Variants in ATRNL1 observed in about 807,000 individuals in gnomAD.
ATRNL1 encodes the protein attractin like 1.
ATRNL1 carries 95 observed loss-of-function variants against 182.7 expected under a neutral mutation model. The observed-to-expected ratio is 0.52, with a 90% confidence interval of 0.44 to 0.62. The LOEUF is 0.62. Ranked by LOEUF, ATRNL1 falls within the 20% of genes least tolerant of loss-of-function variation. The pLI, the probability that ATRNL1 is intolerant of heterozygous loss-of-function variation, is 0.00. For synonymous variants in ATRNL1, 576 were observed against 568.3 expected (o/e 1.01, Z -0.19); for missense variants, 1,471 against 1,679.5 (o/e 0.88, Z 2.17).
chr10:115,505,900 T>C (rs1008109240), intron 24 of ATRNL1, among the ~76,000 whole-genome samples: 5 of 150,652 alleles, frequency 3.3e-5, no homozygotes, highest in Non-Finnish European at 5.9e-5. Flanking sequence ...AAGTACCAAG[T>C]ATCAAACCAG....
intron 27 of ATRNL1, among the ~76,000 whole-genome samples, chr10:115,801,924 A>G (rs531001772): frequency 1.3e-5 from 2 of 151,944 alleles, no homozygotes; most frequent in African/African-American, 2.4e-5. Context: ...TTAAATTATT[A>G]TGTAGTGTCT....
chr10:115,244,922 A>G (rs1278395017), intron 10 of ATRNL1, among the ~76,000 whole-genome samples: 1 of 152,220 alleles, frequency 6.6e-6, no homozygotes, highest in Non-Finnish European at 1.5e-5. Context: ...AAGAATGGGT[A>G]GGGAATAGGA....
chr10:115,772,919 G>A (rs11197441), intron 27 of ATRNL1, among the ~76,000 whole-genome samples: 19,944 of 152,038 alleles, frequency 0.13, 1,626 homozygotes, highest in East Asian at 0.25. Flanking sequence ...GAGCATGGAG[G>A]GAAATTGTCT....
At chr10:115,663,399 G>T (rs1860811187) in intron 26 of ATRNL1, among the ~76,000 whole-genome samples, 1 of 151,768 alleles carries the variant, frequency 6.6e-6, no homozygotes, top group Admixed American at 6.6e-5. Context: ...AATATAATAG[G>T]CTATATTTGT....
chr10:115,204,137 A>T (rs527663991), intron 8 of ATRNL1, among the ~76,000 whole-genome samples: 1 of 152,084 alleles, frequency 6.6e-6, no homozygotes, highest in Admixed American at 6.6e-5. Flanking sequence ...TGATTTTTGT[A>T]CGTTTATTCA....
At chr10:115,623,358 G>A (rs1484432033) in intron 26 of ATRNL1, among the ~76,000 whole-genome samples, 2 of 152,090 alleles carry the variant, frequency 1.3e-5, no homozygotes, top group Non-Finnish European at 2.9e-5. Flanking sequence ...TGCCAGGAAT[G>A]AACAAATTTT....
intron 26 of ATRNL1, among the ~76,000 whole-genome samples, chr10:115,685,498 T>C (rs1565284307): frequency 6.6e-6 from 1 of 151,960 alleles, no homozygotes; most frequent in East Asian, 1.9e-4. Context: ...AAAGCTACTG[T>C]CATCATCACT....
At chr10:115,561,626 G>A (rs186618868) in intron 26 of ATRNL1, among the ~76,000 whole-genome samples, 19 of 150,990 alleles carry the variant, frequency 1.3e-4, no homozygotes, top group South Asian at 2.1e-4. Context: ...GTATCCTTGC[G>A]GGGATCCTGG....
chr10:115,594,002 A>G (rs1379590220), intron 26 of ATRNL1, among the ~76,000 whole-genome samples: 3 of 152,046 alleles, frequency 2.0e-5, no homozygotes, highest in African/African-American at 4.8e-5. Context: ...TCTAAAACAT[A>G]TTATTAGGTC....
intron 22 of ATRNL1, among the ~76,000 whole-genome samples, chr10:115,466,067 T>C (rs1387631640): frequency 6.6e-6 from 1 of 151,446 alleles, no homozygotes; most frequent in Non-Finnish European, 1.5e-5. Context: ...GCCTTTGCTT[T>C]TTATGATGTT....
chr10:115,598,231 G>A (rs1403228854), intron 26 of ATRNL1, among the ~76,000 whole-genome samples: 1 of 150,272 alleles, frequency 6.7e-6, no homozygotes, highest in African/African-American at 2.4e-5. Flanking sequence ...TGTTTGGTGT[G>A]AGCATATAAC....
chr10:115,781,348 A>G (rs1254537929), intron 27 of ATRNL1, among the ~76,000 whole-genome samples: 6 of 152,214 alleles, frequency 3.9e-5, no homozygotes, highest in African/African-American at 1.4e-4. Context: ...ATTCTCCTAG[A>G]TATAAGCCTA....
chr10:115,864,907 A>G (rs1243236849), intron 28 of ATRNL1, among the ~76,000 whole-genome samples: 14 of 151,912 alleles, frequency 9.2e-5, no homozygotes, highest in South Asian at 4.2e-4. Context: ...GCGTGAACCC[A>G]GGAGGCGGAG....
chr10:115,324,109 A>C (rs1554932445), intron 18 of ATRNL1, among the ~76,000 whole-genome samples: 1 of 151,866 alleles, frequency 6.6e-6, no homozygotes, highest in Non-Finnish European at 1.5e-5. Context: ...TCTTTGTTTA[A>C]ATCAACTCTC....
At chr10:115,797,874 A>G (rs782660668) in intron 27 of ATRNL1, among the ~76,000 whole-genome samples, 4 of 152,288 alleles carry the variant, frequency 2.6e-5, no homozygotes, top group Non-Finnish European at 2.9e-5. Context: ...TTCTCAGTCA[A>G]TGTTGCAAAT....
chr10:115,592,246 G>A (rs917939719), intron 26 of ATRNL1, among the ~76,000 whole-genome samples: 1 of 152,122 alleles, frequency 6.6e-6, no homozygotes, highest in Non-Finnish European at 1.5e-5. Context: ...GATGGGATCA[G>A]TATACCCCAA....
At chr10:115,923,390 C>G (rs1953126238) in intron 28 of ATRNL1, among the ~76,000 whole-genome samples, 1 of 152,058 alleles carries the variant, frequency 6.6e-6, no homozygotes, top group African/African-American at 2.4e-5. Flanking sequence ...TGACCCATCT[C>G]TAAGTTCCCT....
chr10:115,468,864 G>T (rs1234979642), intron 23 of ATRNL1, among the ~76,000 whole-genome samples: 1 of 150,590 alleles, frequency 6.6e-6, no homozygotes, highest in Non-Finnish European at 1.5e-5. Flanking sequence ...CTGAGGCTTA[G>T]GTTGAAATCT....
intron 26 of ATRNL1, among the ~76,000 whole-genome samples, chr10:115,665,299 A>G (rs1391381222): frequency 6.6e-6 from 1 of 152,084 alleles, no homozygotes; most frequent in African/African-American, 2.4e-5. Flanking sequence ...ACTAATACAA[A>G]CTCCTCACTT....
Sources: gnomAD v4.1 joint callset for allele counts (sites outside exome capture counted in the v4.1 genomes callset) on GRCh38, gnomAD v4.1.1 for gene constraint, MANE v1.5 for transcripts, NCBI Gene and HGNC (gene_info 2026-07-23, HGNC 2026-07-21) for gene names.